The following TMX3 variants were observed in gnomAD, a reference collection of about 807,000 sequenced individuals.
TMX3 encodes thioredoxin related transmembrane protein 3.
In TMX3, 40 loss-of-function variants were observed where a neutral mutation model predicts 64.4. That is an observed-to-expected ratio of 0.62 (90% confidence interval 0.48 to 0.81). The LOEUF is 0.81. TMX3 is among the 30% of genes least tolerant of loss of function. The pLI, the probability that TMX3 is intolerant of heterozygous loss-of-function variation, is 0.00. For missense variants in TMX3, 497 were observed against 534.5 expected (o/e 0.93, Z 0.69); for synonymous variants, 189 against 175.7 (o/e 1.08, Z -0.60).
At chr18:68,697,006 C>T (rs904071782) in intron 8 of TMX3, 2 of 367,372 alleles carry the variant, frequency 5.4e-6, no homozygotes, top group Non-Finnish European at 1.0e-5. Flanking sequence ...AATGTAAATC[C>T]CTAAATGCTA....
chr18:68,684,813 T>C (rs1454306015), intron 10 of TMX3, among the ~76,000 whole-genome samples: 2 of 152,204 alleles, frequency 1.3e-5, no homozygotes, highest in African/African-American at 4.8e-5. Flanking sequence ...ACCCTACAAA[T>C]TGGCTAAGAT....
At chr18:68,697,676 AAATAACCAGGTT>A in intron 7 of TMX3, 1 of 422,712 alleles carries the variant, frequency 2.4e-6, no homozygotes, top group Non-Finnish European at 4.2e-6. Flanking sequence ...CACAAGACTT[AAATAACCAGGTT>A]AATAACAGAA....
chr18:68,683,934 T>C (rs1222865563), intron 12 of TMX3, among the ~76,000 whole-genome samples: 3 of 152,188 alleles, frequency 2.0e-5, no homozygotes, highest in Admixed American at 6.5e-5. Context: ...GTACCTAATG[T>C]ATAAATTAAA....
Position 68,710,093 on chromosome 18 carries a change from C to T in TMX3, c.193G>A (p.Glu65Lys). ...ATGCTTTTCATCTCAAGACCAACTT[C>T]ATTCCAAATTGGTTCCAGCTTTTTA... is the stretch of plus-strand genomic sequence containing the variant. ...HCKKLEPIWN[E>K]VGLEMKSIGS... Residue 65 changes from glutamate (E) to lysine (K), a missense_variant, in exon 4 of 16, where the codon GAA becomes AAA. Coordinates refer to ENST00000299608, the MANE Select transcript of TMX3 (RefSeq NM_019022.5). 1 of 1,603,898 alleles carries T rather than the reference C, an allele frequency of 6.2e-7. No homozygotes were observed. The highest frequency in any genetic ancestry group is 8.5e-7 in the Non-Finnish European group (1 of 1,175,502).
chr18:68,711,424 T>G, intron 2 of TMX3, 21 bp from the exon 3 acceptor site: 2 of 1,556,824 alleles, frequency 1.3e-6, no homozygotes, highest in Non-Finnish European at 1.8e-6. Context: ...AGAAAACAAA[T>G]GTTTGATTGT....
At chr18:68,710,180 A>T (rs2145141660) in intron 3 of TMX3, 36 bp from the exon 4 acceptor site, 1 of 1,479,580 alleles carries the variant, frequency 6.8e-7, no homozygotes, top group East Asian at 2.5e-5. Context: ...ACAAAAAAAG[A>T]TAACCATTAA....
chr18:68,703,234 T>G (rs2030302034), intron 4 of TMX3, among the ~76,000 whole-genome samples: 1 of 152,214 alleles, frequency 6.6e-6, no homozygotes, highest in South Asian at 2.1e-4. Context: ...AAATCCCTTA[T>G]TACCTTCAAT....
chr18:68,691,626 C>T (rs1007790826), intron 8 of TMX3, among the ~76,000 whole-genome samples: 1 of 152,174 alleles, frequency 6.6e-6, no homozygotes, highest in African/African-American at 2.4e-5. Flanking sequence ...ACTTAAACAT[C>T]AACCAGCCTA....
chr18:68,713,003 T>TAA (rs34191235), intron 2 of TMX3, among the ~76,000 whole-genome samples: 94 of 122,282 alleles, frequency 7.7e-4, no homozygotes, highest in Non-Finnish European at 1.2e-3. Flanking sequence ...TCAAGAGGTT[T>TAA]AAAAAAAAAA....
At chr18:68,681,131 C>A (rs1599296462) in intron 13 of TMX3, 21 bp from the exon 14 acceptor site, 4 of 1,527,576 alleles carry the variant, frequency 2.6e-6, no homozygotes, top group East Asian at 2.4e-5. Flanking sequence ...AAAAACAAAT[C>A]AAAATATACA....
Position 68,679,548 on chromosome 18 carries a change from G to T in TMX3, c.1036-17C>A, listed in dbSNP as rs1913226131. ...TCCTTGGGCCTTCAAAAAAGGAAAA[G>T]AAAAATAAATTATTTAAGCACCATT... On this transcript the variant is annotated splice_polypyrimidine_tract_variant and intron_variant, in intron 14 of 15. Coordinates refer to ENST00000299608, the MANE Select transcript of TMX3 (RefSeq NM_019022.5). 6.2e-7 allele frequency: 1 copy of T among 1,603,124 alleles called. No individual in the cohort carries two copies. The highest frequency in any genetic ancestry group is 8.5e-7 in the Non-Finnish European group (1 of 1,174,800).
intron 9 of TMX3, among the ~76,000 whole-genome samples, chr18:68,690,862 AT>A (rs1486962369): frequency 6.6e-6 from 1 of 152,222 alleles, no homozygotes; most frequent in African/African-American, 2.4e-5. Context: ...GAAATGCTGA[AT>A]AGCAGGTAAG....
chr18:68,681,664 A>T (rs1913448825), intron 13 of TMX3: 3 of 983,600 alleles, frequency 3.1e-6, no homozygotes, highest in Non-Finnish European at 3.6e-6. Context: ...CAGTGTTCTT[A>T]CTTAGAAAAT....
At chr18:68,692,964 T>A (rs1346864586) in intron 8 of TMX3, among the ~76,000 whole-genome samples, 3 of 152,144 alleles carry the variant, frequency 2.0e-5, no homozygotes, top group Admixed American at 1.3e-4. Context: ...TCTGGTGCAC[T>A]CCAAGTGCCA....
chr18:68,707,361 C>T (rs2030782220), intron 4 of TMX3, among the ~76,000 whole-genome samples: 1 of 152,102 alleles, frequency 6.6e-6, no homozygotes. Context: ...CTTACTACTG[C>T]TTTTTAAAAA....
chr18:68,677,293 T>G (rs1913017586), intron 15 of TMX3, 100 bp from the exon 16 acceptor site: 3 of 1,325,182 alleles, frequency 2.3e-6, no homozygotes, highest in Admixed American at 4.9e-5. Context: ...CTTGTTGCTA[T>G]TCAGCTTGTT....
intron 8 of TMX3, among the ~76,000 whole-genome samples, chr18:68,694,436 C>A (rs1325497475): frequency 6.6e-6 from 1 of 152,194 alleles, no homozygotes. Flanking sequence ...GCTGCCTTCC[C>A]CGTGGCAGCC....
At chr18:68,688,728 G>A (rs1914208533) in intron 9 of TMX3, 2 of 152,048 alleles carry the variant, frequency 1.3e-5, no homozygotes, top group African/African-American at 4.8e-5. Context: ...TTGATTACTG[G>A]GCCACAATGT....
intron 4 of TMX3, among the ~76,000 whole-genome samples, chr18:68,703,959 A>T (rs192623309): frequency 7.2e-4 from 110 of 151,902 alleles, no homozygotes; most frequent in African/African-American, 9.4e-4. Context: ...ACAAAAATTT[A>T]AAAAAAAGCA....
Sources: allele counts gnomAD v4.1 joint callset (sites outside exome capture counted in the v4.1 genomes callset), GRCh38; gene constraint gnomAD v4.1.1; transcripts MANE v1.5; gene names NCBI Gene and HGNC (gene_info 2026-07-23, HGNC 2026-07-21).